Variants in TASP1 observed in about 807,000 individuals in gnomAD.
TASP1 encodes the protein taspase 1.
In TASP1, 16 loss-of-function variants were observed where a neutral mutation model predicts 56.6. The ratio of observed to expected loss-of-function variants is 0.28; its 90% CI spans 0.19 to 0.43. The LOEUF is 0.43. Ranked by LOEUF, TASP1 falls within the 20% of genes least tolerant of loss-of-function variation. The probability of loss-of-function intolerance (pLI) is 1.00; values close to 1 mark genes in which losing one functional copy is unlikely to be tolerated. For synonymous variants in TASP1, 179 were observed against 184.2 expected (o/e 0.97, Z 0.23); for missense variants, 393 against 511.6 (o/e 0.77, Z 2.24).
intron 11 of TASP1, among the ~76,000 whole-genome samples, chr20:13,454,560 G>A (rs1337713048): frequency 6.6e-6 from 1 of 152,180 alleles, no homozygotes; most frequent in Non-Finnish European, 1.5e-5. Context: ...AAGAGAGAAT[G>A]TGAGTTACTG....
At chr20:13,568,355 C>A (rs1193178569) in intron 7 of TASP1, among the ~76,000 whole-genome samples, 2 of 151,998 alleles carry the variant, frequency 1.3e-5, no homozygotes, top group African/African-American at 4.8e-5. Flanking sequence ...TGGAGTTAAT[C>A]CTCACTTTTT....
chr20:13,592,174 G>A (rs6109968), intron 4 of TASP1, among the ~76,000 whole-genome samples: 4,319 of 152,062 alleles, frequency 0.028, 219 homozygotes, highest in African/African-American at 0.096. Context: ...CAAGGCAGGC[G>A]TATCACGAGG....
chr20:13,437,012 T>C (rs891518220), intron 11 of TASP1, among the ~76,000 whole-genome samples: 2 of 152,044 alleles, frequency 1.3e-5, no homozygotes, highest in Non-Finnish European at 2.9e-5. Flanking sequence ...AATAAAATAG[T>C]ACAGCATCAT....
the TASP1 span, among the ~76,000 whole-genome samples, chr20:13,226,595 C>G: frequency 2.0e-5 from 3 of 152,170 alleles, no homozygotes; most frequent in Non-Finnish European, 4.4e-5. Flanking sequence ...ACTCATGTAG[C>G]TGTGGCCATC....
the TASP1 span, among the ~76,000 whole-genome samples, chr20:13,148,670 T>C: frequency 6.6e-6 from 1 of 152,020 alleles, no homozygotes; most frequent in Admixed American, 6.5e-5. Flanking sequence ...GCCCTAGGGG[T>C]GGACCAGAAA....
the TASP1 span, among the ~76,000 whole-genome samples, chr20:13,290,566 A>G: frequency 2.0e-5 from 3 of 152,066 alleles, no homozygotes; most frequent in African/African-American, 4.8e-5. Flanking sequence ...GGAGAATGGC[A>G]GGAACCCGGG....
chr20:13,354,548 G>T, the TASP1 span, among the ~76,000 whole-genome samples: 20 of 152,028 alleles, frequency 1.3e-4, no homozygotes, highest in Non-Finnish European at 5.9e-5. Flanking sequence ...AATTGTGAGG[G>T]GAAGAAAAAA....
chr20:13,289,923 C>T, the TASP1 span, among the ~76,000 whole-genome samples: 6 of 152,078 alleles, frequency 3.9e-5, no homozygotes, highest in Admixed American at 1.3e-4. Flanking sequence ...ATCCTTACAC[C>T]CCAGACTTCC....
chr20:13,389,209 A>C (rs1183319109), downstream of TASP1, among the ~76,000 whole-genome samples: 1 of 152,250 alleles, frequency 6.6e-6, no homozygotes, highest in East Asian at 1.9e-4. Flanking sequence ...TCAAATTGCA[A>C]GAGAAATTTT....
intron 13 of TASP1, among the ~76,000 whole-genome samples, chr20:13,413,920 CT>C (rs2042171417): frequency 6.6e-6 from 1 of 152,028 alleles, no homozygotes; most frequent in Non-Finnish European, 1.5e-5. Context: ...CCCTTTACCC[CT>C]AGATGCATTA....
At chr20:13,534,571 A>C (rs1052795964) in intron 8 of TASP1, among the ~76,000 whole-genome samples, 1 of 152,228 alleles carries the variant, frequency 6.6e-6, no homozygotes, top group Non-Finnish European at 1.5e-5. Flanking sequence ...ATATACAAAC[A>C]TCTAATAGAA....
intron 11 of TASP1, among the ~76,000 whole-genome samples, chr20:13,474,498 G>T (rs978382215): frequency 3.3e-5 from 5 of 152,260 alleles, no homozygotes; most frequent in Non-Finnish European, 7.4e-5. Context: ...GTATTCCATG[G>T]TGTGTATATA....
intron 13 of TASP1, among the ~76,000 whole-genome samples, chr20:13,392,243 A>G (rs149955637): frequency 4.6e-5 from 7 of 152,272 alleles, no homozygotes; most frequent in Middle Eastern, 3.4e-3. Context: ...AAAAAGCAGC[A>G]GACATCTATT....
the TASP1 span, among the ~76,000 whole-genome samples, chr20:13,118,955 C>G: frequency 6.6e-6 from 1 of 152,216 alleles, no homozygotes. Context: ...CTTTCGGGCT[C>G]AAAGCATTGT....
chr20:13,485,760 C>T (rs1056494700), intron 10 of TASP1, among the ~76,000 whole-genome samples: 2 of 152,072 alleles, frequency 1.3e-5, no homozygotes, highest in Non-Finnish European at 2.9e-5. Flanking sequence ...GCTCATGAAA[C>T]GCCATAAAGT....
At chr20:13,618,643 G>A (rs1263982075) in intron 4 of TASP1, among the ~76,000 whole-genome samples, 1 of 152,010 alleles carries the variant, frequency 6.6e-6, no homozygotes, top group East Asian at 1.9e-4. Context: ...TAAAAACTTG[G>A]CCCAATATAA....
the TASP1 span, among the ~76,000 whole-genome samples, chr20:13,107,250 T>C: frequency 6.6e-6 from 1 of 152,090 alleles, no homozygotes; most frequent in Non-Finnish European, 1.5e-5. Flanking sequence ...ATTATTTCTA[T>C]TCATCCTGAA....
chr20:13,285,074 G>A, the TASP1 span, among the ~76,000 whole-genome samples: 2 of 152,288 alleles, frequency 1.3e-5, no homozygotes, highest in South Asian at 2.1e-4. Flanking sequence ...ATTGCCTGAA[G>A]CCAGGATTTC....
intron 10 of TASP1, among the ~76,000 whole-genome samples, chr20:13,503,565 T>C (rs933875923): frequency 6.6e-6 from 1 of 151,928 alleles, no homozygotes; most frequent in Non-Finnish European, 1.5e-5. Flanking sequence ...GAACAAAAAG[T>C]TGAGGAAACA....
Sources: gnomAD v4.1 joint callset for allele counts (sites outside exome capture counted in the v4.1 genomes callset) on GRCh38, gnomAD v4.1.1 for gene constraint, MANE v1.5 for transcripts, NCBI Gene and HGNC (gene_info 2026-07-23, HGNC 2026-07-21) for gene names.